ADGRE3: variants seen among roughly 807,000 people sequenced by gnomAD.
The protein encoded by ADGRE3 is adhesion G protein-coupled receptor E3.
In ADGRE3, 88 loss-of-function variants were observed where a neutral mutation model predicts 80.1. That is an observed-to-expected ratio of 1.10 (90% CI 0.93 to 1.31). The LOEUF (loss-of-function observed/expected upper bound fraction) is 1.31, where lower values mean the gene tolerates loss of function less well. Ranked by LOEUF, ADGRE3 falls within the 40% of genes most tolerant of loss-of-function variation. The pLI, the probability that ADGRE3 is intolerant of heterozygous loss-of-function variation, is 0.00. For synonymous variants in ADGRE3, 281 were observed against 294.8 expected (o/e 0.95, Z 0.48); for missense variants, 715 against 776.5 (o/e 0.92, Z 0.94).
the ADGRE3 span, among the ~76,000 whole-genome samples, chr19:14,605,740 G>C: frequency 6.6e-6 from 1 of 151,776 alleles, no homozygotes; most frequent in Admixed American, 6.6e-5. Flanking sequence ...AAAGACCTGG[G>C]ATTTTGACTT....
chr19:14,659,597 G>T (rs1161999134), intron 4 of ADGRE3, among the ~76,000 whole-genome samples: 1 of 151,610 alleles, frequency 6.6e-6, no homozygotes, highest in Non-Finnish European at 1.5e-5. Context: ...GAGGCAGGAG[G>T]ATCATATGAG....
chr19:14,602,969 A>G, the ADGRE3 span, among the ~76,000 whole-genome samples: 1 of 152,096 alleles, frequency 6.6e-6, no homozygotes, highest in African/African-American at 2.4e-5. Flanking sequence ...TCCTGACCTC[A>G]GGTGATCCAC....
chr19:14,647,642 T>TA (rs1971452990), intron 7 of ADGRE3, among the ~76,000 whole-genome samples: 1 of 151,430 alleles, frequency 6.6e-6, no homozygotes, highest in Admixed American at 6.6e-5. Flanking sequence ...GGTCTCAAAC[T>TA]CCTGACCTCA....
chr19:14,616,465 T>C (rs1487269735), downstream of ADGRE3, among the ~76,000 whole-genome samples: 1 of 151,988 alleles, frequency 6.6e-6, no homozygotes, highest in African/African-American at 2.4e-5. Context: ...ACTCCTGGAT[T>C]GTGGGACTTT....
chr19:14,621,936 C>A lies in ADGRE3; in HGVS notation c.1921-2465G>T, dbSNP rs1192468319. On this transcript the variant is annotated intron_variant, in intron 15 of 15. Coordinates refer to ENST00000253673, the MANE Select transcript of ADGRE3 (RefSeq NM_032571.5). ...GAATACGTAAAATAGAACCAACAGT[C>A]GTCAACATCCTTCTCCTTACAATGG... 5.8e-6 allele frequency: 6 copies of A among 1,029,582 alleles called. 1 individual carries two copies. Among genetic ancestry groups the A allele is most frequent in the South Asian group, 1.6e-5 (1 of 61,906 alleles). 63.8% of individuals were successfully genotyped at this position (1,029,582 alleles called of 1,614,324 possible). A position where few individuals can be genotyped will look rare whatever the true frequency, so the allele number is the denominator to read the frequency against.
intron 10 of ADGRE3, among the ~76,000 whole-genome samples, chr19:14,639,330 C>T (rs931059831): frequency 1.3e-5 from 2 of 151,976 alleles, no homozygotes; most frequent in African/African-American, 4.8e-5. Context: ...TAATTTTATA[C>T]ATTTATTATT....
intron 8 of ADGRE3, among the ~76,000 whole-genome samples, chr19:14,645,186 A>G (rs1415360900): frequency 2.0e-5 from 3 of 151,480 alleles, no homozygotes; most frequent in Admixed American, 2.0e-4. Context: ...AAAACAAAAA[A>G]AAACCCAAAA....
At chr19:14,665,185 T>G (rs1427808259) in intron 2 of ADGRE3, among the ~76,000 whole-genome samples, 1 of 149,140 alleles carries the variant, frequency 6.7e-6, no homozygotes, top group African/African-American at 2.5e-5. Flanking sequence ...TGCCTCAGCC[T>G]CCTGAGTAGC....
chr19:14,662,714 C>T (rs142501746), intron 3 of ADGRE3, among the ~76,000 whole-genome samples: 415 of 151,994 alleles, frequency 2.7e-3, no homozygotes, highest in Non-Finnish European at 4.3e-3. Flanking sequence ...AAATGAACGG[C>T]CAAGTTTCCA....
At chr19:14,666,432 A>G (rs1437062054) in intron 2 of ADGRE3, among the ~76,000 whole-genome samples, 2 of 150,552 alleles carry the variant, frequency 1.3e-5, no homozygotes, top group African/African-American at 4.9e-5. Flanking sequence ...GCTGGAGTGC[A>G]GAGGTGTGAT....
intron 8 of ADGRE3, among the ~76,000 whole-genome samples, chr19:14,646,506 G>T (rs1306987141): frequency 2.8e-5 from 4 of 145,144 alleles, no homozygotes; most frequent in Non-Finnish European, 6.0e-5. Flanking sequence ...TATAATACTT[G>T]TATTTGCATA....
chr19:14,610,270 G>A, the ADGRE3 span: 15 of 1,528,118 alleles, frequency 9.8e-6, no homozygotes, highest in Non-Finnish European at 1.1e-5. Context: ...TTTCGTGGAC[G>A]GCCTTGCCTC....
chr19:14,636,141 T>TTCCTTCCTTCCTTC (rs1555755833), intron 11 of ADGRE3, among the ~76,000 whole-genome samples: 317 of 15,498 alleles, frequency 0.02, 35 homozygotes, highest in South Asian at 0.063. Context: ...TTTCTTTCTT[T>TTCCTTCCTTCCTTC]CTTTCTTTCT....
intron 11 of ADGRE3, among the ~76,000 whole-genome samples, chr19:14,637,312 T>G (rs113968655): frequency 0.021 from 3,135 of 151,392 alleles, 96 homozygotes; most frequent in African/African-American, 0.072. Flanking sequence ...CCTTTAAAAG[T>G]CCCAGTCCCG....
intron 7 of ADGRE3, 105 bp from the exon 8 acceptor site, chr19:14,647,470 G>T: frequency 2.2e-6 from 2 of 901,918 alleles, no homozygotes; most frequent in Non-Finnish European, 3.2e-6. Context: ...AGGCTGGAGT[G>T]CAGTGGCGTG....
intron 9 of ADGRE3, among the ~76,000 whole-genome samples, 196 bp downstream of exon 9, chr19:14,643,912 T>C (rs549862757): frequency 6.6e-6 from 1 of 152,188 alleles, no homozygotes; most frequent in East Asian, 1.9e-4. Flanking sequence ...GTTTTTGCCA[T>C]GTTGGCCAGG....
chr19:14,637,393 C>CTTTTTT (rs34233724), intron 11 of ADGRE3, among the ~76,000 whole-genome samples: 1 of 127,604 alleles, frequency 7.8e-6, no homozygotes, highest in African/African-American at 2.9e-5. Context: ...TTTTTAAGCT[C>CTTTTTT]TTTTTTTTTT....
chr19:14,621,954 T>C, intron 15 of ADGRE3: 1 of 1,024,974 alleles, frequency 9.8e-7, no homozygotes, highest in South Asian at 1.6e-5. Flanking sequence ...TCCTTCTCCT[T>C]ACAATGGGAC....
rs184899344 is a variant in ADGRE3 at position 14,667,874 on chromosome 19, C to T, written c.76+928G>A. 1.7e-3 allele frequency among the ~76,000 whole-genome samples: 255 copies of T among 152,206 alleles called. 1 individual carries two copies. In the Middle Eastern group the frequency reaches 0.017, roughly 10 times the overall value. Reference sequence around the variant, plus strand: ...CTTAGCCATTACTAGGTGTACAGTTCGGTGGAATTTAATACCTTCATAATG... The same window carrying T: ...CTTAGCCATTACTAGGTGTACAGTTTGGTGGAATTTAATACCTTCATAATG... On this transcript the variant is annotated intron_variant, in intron 2 of 15. Coordinates refer to ENST00000253673, the MANE Select transcript of ADGRE3 (RefSeq NM_032571.5).
Sources: allele counts gnomAD v4.1 joint callset (sites outside exome capture counted in the v4.1 genomes callset), GRCh38; gene constraint gnomAD v4.1.1; transcripts MANE v1.5; gene names NCBI Gene and HGNC (gene_info 2026-07-23, HGNC 2026-07-21).